Variants in TBC1D12 observed in about 807,000 individuals in gnomAD.
TBC1D12 encodes the protein TBC1 domain family member 12.
In TBC1D12, 56 loss-of-function variants were observed where a neutral mutation model predicts 86.7. The observed-to-expected ratio is 0.65, with a 90% CI of 0.52 to 0.81. The LOEUF (loss-of-function observed/expected upper bound fraction) is 0.81, where lower values mean the gene tolerates loss of function less well. Ranked by LOEUF, TBC1D12 falls within the 30% of genes least tolerant of loss-of-function variation. The probability of loss-of-function intolerance (pLI) is 0.00; values close to 1 mark genes in which losing one functional copy is unlikely to be tolerated. For synonymous variants in TBC1D12, 421 were observed against 411.7 expected, an observed-to-expected ratio of 1.02 and a Z score of -0.27; for missense variants, 1,023 against 1,038.8, an observed-to-expected ratio of 0.98 and a Z score of 0.21.
intron 3 of TBC1D12, among the ~76,000 whole-genome samples, chr10:94,491,020 A>G (rs1003166507): frequency 1.3e-5 from 2 of 151,912 alleles, no homozygotes; most frequent in Admixed American, 6.6e-5. Context: ...CCAACTCTAA[A>G]CTTTCTCCTC....
chr10:94,459,005 T>C (rs777111280), intron 2 of TBC1D12, among the ~76,000 whole-genome samples: 2 of 152,186 alleles, frequency 1.3e-5, no homozygotes, highest in Non-Finnish European at 2.9e-5. Context: ...CGTTGTTGGC[T>C]CAGGTGGCCT....
intron 9 of TBC1D12, among the ~76,000 whole-genome samples, chr10:94,520,437 G>C (rs1359594145): frequency 6.6e-6 from 1 of 152,134 alleles, no homozygotes; most frequent in East Asian, 1.9e-4. Context: ...TGTAATCCCA[G>C]CTACTCGGGA....
rs539518450 is a variant in TBC1D12, at chr10:94,459,822, G to A, written c.1096-14846G>A. 1.6e-4 allele frequency among the ~76,000 whole-genome samples: 24 copies of A among 152,294 alleles called. No homozygotes were observed. The East Asian group carries it at 1.7e-3, about 11-fold the overall frequency. Reference sequence around the variant, plus strand: ...GGGCTTGCCGAGCCCGCACCCACCCGGAACTTGCACTGGCCCGTGAGTGCC... The same window carrying A: ...GGGCTTGCCGAGCCCGCACCCACCCAGAACTTGCACTGGCCCGTGAGTGCC... On this transcript the variant is annotated intron_variant, in intron 2 of 12. Transcript: ENST00000225235.
chr10:94,433,920 T>C lies in TBC1D12; in HGVS notation c.972-7976T>C, dbSNP rs371310589. 8.5e-5 allele frequency among the ~76,000 whole-genome samples: 13 copies of C among 152,282 alleles called. 1 individual carries two copies. In the East Asian group the frequency reaches 1.7e-3, roughly 20 times the overall value. On this transcript the variant is annotated intron_variant, in intron 1 of 12. Coordinates refer to ENST00000225235, the MANE Select transcript of TBC1D12 (RefSeq NM_015188.2). ...GAACTGCCTACCTGTTCTTGCAGTC[T>C]GGTCAGTGATTAGAGTTGATAATAG... is the stretch of plus-strand genomic sequence containing the variant.
chr10:94,515,115 G>A (rs1044453216), intron 9 of TBC1D12, among the ~76,000 whole-genome samples: 1 of 150,400 alleles, frequency 6.6e-6, no homozygotes, highest in Non-Finnish European at 1.5e-5. Context: ...CACCGTTTTA[G>A]CCGGGATGGT....
chr10:94,449,363 G>A (rs577983350), intron 2 of TBC1D12, among the ~76,000 whole-genome samples: 2 of 152,282 alleles, frequency 1.3e-5, no homozygotes, highest in East Asian at 1.9e-4. Flanking sequence ...AGAAAGTGAT[G>A]AAATGCTTTG....
chr10:94,472,174 C>T (rs1345900111), intron 2 of TBC1D12, among the ~76,000 whole-genome samples: 1 of 152,068 alleles, frequency 6.6e-6, no homozygotes, highest in Non-Finnish European at 1.5e-5. Context: ...GGAGACAGGG[C>T]GAGAGGATTG....
rs776598776 is a variant in TBC1D12 at position 94,402,970 on chromosome 10, C to G, written c.357C>G (p.Gly119=). The G allele has an allele frequency of 2.9e-5, 46 of 1,574,790 alleles. No individual in the cohort carries two copies. The highest frequency in any genetic ancestry group is 3.6e-5 in the Admixed American group (2 of 55,976). The change falls in exon 1 of 13, where the codon GGC becomes GGG. Residue 119 remains glycine (G), a synonymous_variant. Coordinates refer to ENST00000225235, the MANE Select transcript of TBC1D12 (RefSeq NM_015188.2). ...TGGGCTCGGGCTCCAAACACCGCGG[C>G]GCGGAGGTGGCTGATGGCCGCGCGC... ...CLLGSGSKHR[G]AEVADGRAPR...
At chr10:94,513,464 C>T (rs1589669606) in intron 9 of TBC1D12, among the ~76,000 whole-genome samples, 1 of 152,156 alleles carries the variant, frequency 6.6e-6, no homozygotes, top group African/African-American at 2.4e-5. Context: ...AATAAATTTA[C>T]ATATATCATA....
chr10:94,489,980 G>C (rs2056224510), intron 3 of TBC1D12, among the ~76,000 whole-genome samples: 1 of 152,166 alleles, frequency 6.6e-6, no homozygotes. Flanking sequence ...GGGTGCGGTG[G>C]CTCACCCCTG....
chr10:94,533,229 T>A lies in TBC1D12; in HGVS notation c.*133T>A, dbSNP rs1842473479. ...AATCAAGAGGTGGAAAACTGCTGATTTTACATTTTATGGCTGAAGTAAATG... is the reference window on the plus strand; with the variant it reads ...AATCAAGAGGTGGAAAACTGCTGATATTACATTTTATGGCTGAAGTAAATG... On this transcript the variant is annotated 3_prime_UTR_variant, in exon 13 of 13. Coordinates refer to ENST00000225235, the MANE Select transcript of TBC1D12 (RefSeq NM_015188.2). 5.6e-6 allele frequency: 3 copies of A among 535,276 alleles called. No homozygotes were observed. The highest frequency in any genetic ancestry group is 9.7e-6 in the Non-Finnish European group (3 of 309,784). 33.2% of individuals were successfully genotyped at this position (535,276 alleles called of 1,614,324 possible).
intron 9 of TBC1D12, among the ~76,000 whole-genome samples, chr10:94,516,593 G>A (rs1033112170): frequency 1.8e-5 from 2 of 109,668 alleles, no homozygotes; most frequent in South Asian, 2.8e-4. Flanking sequence ...ACAGGCCCCC[G>A]TGTGTGATGT....
intron 2 of TBC1D12, among the ~76,000 whole-genome samples, chr10:94,457,544 T>C (rs1187632821): frequency 6.6e-6 from 1 of 152,164 alleles, no homozygotes; most frequent in African/African-American, 2.4e-5. Context: ...CCTCCAAAAG[T>C]GCTGGGATTA....
chr10:94,419,695 C>T (rs957900621), intron 1 of TBC1D12, among the ~76,000 whole-genome samples: 1 of 152,098 alleles, frequency 6.6e-6, no homozygotes, highest in Non-Finnish European at 1.5e-5. Context: ...AACTTAGAAG[C>T]AGCTCATATA....
At chr10:94,488,547 C>A (rs1028874850) in intron 3 of TBC1D12, among the ~76,000 whole-genome samples, 12 of 150,414 alleles carry the variant, frequency 8.0e-5, no homozygotes, top group African/African-American at 2.9e-4. Flanking sequence ...CATGCCACCA[C>A]ACCCGGCTAA....
chr10:94,521,987 C>T lies in TBC1D12; in HGVS notation c.1794C>T (p.Leu598=). 3 of 1,612,098 alleles carry T rather than the reference C, an allele frequency of 1.9e-6. No homozygotes were observed. The highest frequency in any genetic ancestry group is 2.5e-6 in the Non-Finnish European group (3 of 1,178,682). The change falls in exon 10 of 13, where the codon CTC becomes CTT. Residue 598 remains leucine (L), a synonymous_variant. Coordinates refer to ENST00000225235, the MANE Select transcript of TBC1D12 (RefSeq NM_015188.2). ...GGATGTCCTTCATTGCAGCAGTACT[C>T]ATTCTCAATTTGGAAGAGGCAGATG... ...VQGMSFIAAV[L]ILNLEEADAF...
chr10:94,502,144 C>T (rs918421233), intron 6 of TBC1D12, among the ~76,000 whole-genome samples: 2 of 151,596 alleles, frequency 1.3e-5, no homozygotes, highest in African/African-American at 4.8e-5. Context: ...ACCAGTCTGA[C>T]CAACATGGAG....
chr10:94,522,809 A>C (rs566244229), intron 11 of TBC1D12, among the ~76,000 whole-genome samples: 1 of 151,866 alleles, frequency 6.6e-6, no homozygotes. Context: ...TAATCTTAGC[A>C]CTTTGGTGGG....
Position 94,442,007 on chromosome 10 carries a change from A to G in TBC1D12, c.1083A>G (p.Lys361=). 1 of 1,612,668 alleles carries G rather than the reference A, an allele frequency of 6.2e-7. No homozygotes were observed. The highest frequency in any genetic ancestry group is 1.1e-5 in the South Asian group (1 of 90,874). Residue 361 remains lysine, a synonymous_variant, in exon 2 of 13, where the codon AAA becomes AAG. Transcript: ENST00000225235. The part of the protein sequence containing the change: ...PPRENLQKTS[K]IIQQEYEART... ...GAGAGAATCTTCAGAAAACATCCAA[A>G]ATCATTCAGCAGGTAAGTACTGACA... is the stretch of plus-strand genomic sequence containing the variant.
Sources: gnomAD v4.1 joint callset for allele counts (sites outside exome capture counted in the v4.1 genomes callset) on GRCh38, gnomAD v4.1.1 for gene constraint, MANE v1.5 for transcripts, NCBI Gene and HGNC (gene_info 2026-07-23, HGNC 2026-07-21) for gene names.